Variants in MALRD1 observed in about 807,000 individuals in gnomAD.
MALRD1 encodes the protein MAM and LDL receptor class A domain containing 1, also known as MAM and LDL-receptor class A domain-containing protein 1.
MALRD1 carries 247 observed loss-of-function variants against 242.1 expected under a neutral mutation model. The ratio of observed to expected loss-of-function variants is 1.02; its 90% CI spans 0.92 to 1.13. The LOEUF is 1.13. Among genes scored for constraint, MALRD1 ranks in the 50% most tolerant of loss-of-function variants. MALRD1 has a pLI of 0.00. For missense variants in MALRD1, 2,989 were observed against 2,533.1 expected (o/e 1.18, Z -3.86); for synonymous variants, 995 against 866.6 (o/e 1.15, Z -2.60).
At chr10:19,518,582 C>T (rs1833740500) in intron 31 of MALRD1, among the ~76,000 whole-genome samples, 1 of 152,104 alleles carries the variant, frequency 6.6e-6, no homozygotes, top group African/African-American at 2.4e-5. Context: ...TCATAATTCA[C>T]TCTACAAAAT....
chr10:19,458,819 A>G (rs1042255240), intron 29 of MALRD1, among the ~76,000 whole-genome samples: 2 of 152,088 alleles, frequency 1.3e-5, no homozygotes, highest in Admixed American at 1.3e-4. Context: ...GTATATCTAC[A>G]TCTGCCTCAT....
intron 28 of MALRD1, among the ~76,000 whole-genome samples, chr10:19,424,206 G>A (rs1052830789): frequency 6.6e-6 from 1 of 151,876 alleles, no homozygotes; most frequent in Non-Finnish European, 1.5e-5. Context: ...CCCAGCCAGG[G>A]TGGAGTGCAG....
chr10:19,313,224 C>T (rs769727165), intron 21 of MALRD1, among the ~76,000 whole-genome samples: 2 of 151,344 alleles, frequency 1.3e-5, no homozygotes, highest in Non-Finnish European at 3.0e-5. Context: ...TTTTAGTTAA[C>T]TCATCTAGGA....
chr10:19,261,150 G>A (rs1045584829), intron 19 of MALRD1, among the ~76,000 whole-genome samples: 1 of 152,046 alleles, frequency 6.6e-6, no homozygotes, highest in Non-Finnish European at 1.5e-5. Flanking sequence ...CTAATTATCT[G>A]GCTAAATCCA....
At chr10:19,417,990 C>CACACAT (rs1455126720) in intron 28 of MALRD1, among the ~76,000 whole-genome samples, 1 of 152,076 alleles carries the variant, frequency 6.6e-6, no homozygotes, top group African/African-American at 2.4e-5. Context: ...CGCACACACA[C>CACACAT]ACACATACAC....
intron 31 of MALRD1, among the ~76,000 whole-genome samples, chr10:19,523,347 T>C (rs975034977): frequency 3.3e-5 from 5 of 152,190 alleles, no homozygotes; most frequent in African/African-American, 1.2e-4. Context: ...TATTCTTCTG[T>C]TCTTACTTGC....
At chr10:19,048,450 A>C (rs1834393295), upstream of MALRD1, among the ~76,000 whole-genome samples, 1 of 152,116 alleles carries the variant, frequency 6.6e-6, no homozygotes, top group Non-Finnish European at 1.5e-5. Flanking sequence ...TCATAGAGCA[A>C]TTCTAATAAT....
At chr10:19,583,604 T>G (rs943380233) in intron 33 of MALRD1, among the ~76,000 whole-genome samples, 2 of 152,140 alleles carry the variant, frequency 1.3e-5, no homozygotes, top group African/African-American at 4.8e-5. Flanking sequence ...AGCTTTTCGA[T>G]GTGCTGCTGG....
chr10:19,671,482 G>A, intron 36 of MALRD1, among the ~76,000 whole-genome samples: 1 of 151,922 alleles, frequency 6.6e-6, no homozygotes, highest in East Asian at 1.9e-4. Context: ...GTCAAGTGTG[G>A]TGGCATGCAC....
chr10:19,139,202 T>C (rs980304876), intron 10 of MALRD1, among the ~76,000 whole-genome samples: 1 of 152,240 alleles, frequency 6.6e-6, no homozygotes, highest in African/African-American at 2.4e-5. Context: ...AGAATTGATA[T>C]AAATTTACAC....
intron 39 of MALRD1, among the ~76,000 whole-genome samples, chr10:19,732,311 G>A (rs191679629): frequency 1.3e-5 from 2 of 152,266 alleles, no homozygotes; most frequent in African/African-American, 4.8e-5. Context: ...CACCCAGGCT[G>A]GAGTGCAATG....
chr10:19,449,291 C>G (rs1368305541), intron 28 of MALRD1, among the ~76,000 whole-genome samples: 1 of 152,190 alleles, frequency 6.6e-6, no homozygotes, highest in Non-Finnish European at 1.5e-5. Flanking sequence ...ATTCTCCTGC[C>G]TCAGTCTCCC....
intron 18 of MALRD1, among the ~76,000 whole-genome samples, chr10:19,215,117 G>A (rs1389376030): frequency 6.6e-6 from 1 of 152,052 alleles, no homozygotes; most frequent in East Asian, 1.9e-4. Context: ...CTTTGATTGT[G>A]TTTTGCCCTC....
chr10:19,309,348 C>A (rs1249074587), intron 21 of MALRD1, among the ~76,000 whole-genome samples: 3 of 151,426 alleles, frequency 2.0e-5, no homozygotes, highest in Admixed American at 1.3e-4. Context: ...CTGCTTACTT[C>A]ATTTTTATAA....
chr10:19,512,578 G>A (rs1333734423), intron 31 of MALRD1, among the ~76,000 whole-genome samples: 5 of 152,170 alleles, frequency 3.3e-5, no homozygotes, highest in Admixed American at 1.3e-4. Flanking sequence ...CTTAGTTACT[G>A]TCATAGCATT....
At chr10:19,579,959 A>C (rs181197068) in intron 33 of MALRD1, among the ~76,000 whole-genome samples, 11 of 152,340 alleles carry the variant, frequency 7.2e-5, no homozygotes, top group Admixed American at 2.6e-4. Flanking sequence ...AACAGCGTTA[A>C]ATTAGGCCAA....
chr10:19,542,274 C>T (rs893039691), intron 32 of MALRD1, among the ~76,000 whole-genome samples: 48 of 152,242 alleles, frequency 3.2e-4, no homozygotes, highest in African/African-American at 9.1e-4. Context: ...ATTTAATATA[C>T]TTGAAGCTCA....
In MALRD1 at chr10:19,280,230, G is replaced by A. The variant is rs1840741962; in HGVS notation, c.3256+7G>A. The A allele has an allele frequency of 3.4e-6, 5 of 1,473,084 alleles. No homozygotes were observed. The highest frequency in any genetic ancestry group is 1.4e-5 in the African/African-American group (1 of 69,930). The allele number at this position is 1,473,084 out of a possible 1,614,324, so 91.3% of individuals were successfully genotyped here. On this transcript the variant is annotated splice_region_variant and intron_variant, in intron 20 of 39. Transcript: ENST00000454679. ...TCAGATGAAGCATCCTGTGGTAGGT[G>A]GATTCTTAAAATTTGTTTAAATACT...
At chr10:19,154,157 G>A (rs1056973013) in intron 11 of MALRD1, among the ~76,000 whole-genome samples, 2 of 152,130 alleles carry the variant, frequency 1.3e-5, no homozygotes, top group Admixed American at 6.5e-5. Flanking sequence ...AGTTGGTTTT[G>A]AGATTTAAAA....
Sources: gnomAD v4.1 joint callset for allele counts (sites outside exome capture counted in the v4.1 genomes callset) on GRCh38, gnomAD v4.1.1 for gene constraint, MANE v1.5 for transcripts, NCBI Gene and HGNC (gene_info 2026-07-23, HGNC 2026-07-21) for gene names.